Variants in SCUBE1 observed in about 807,000 individuals in gnomAD.
SCUBE1 encodes the protein signal peptide, CUB and EGF-like domain-containing protein 1.
Under a neutral mutation model 124.4 loss-of-function variants are expected in SCUBE1, and 59 were observed. The ratio of observed to expected loss-of-function variants is 0.47; its 90% CI spans 0.38 to 0.59. The LOEUF (loss-of-function observed/expected upper bound fraction) is 0.59, where lower values mean the gene tolerates loss of function less well. Among genes scored for constraint, SCUBE1 ranks in the 20% least tolerant of loss-of-function variants. SCUBE1 has a pLI of 0.00. For synonymous variants in SCUBE1, 545 were observed against 550.9 expected (o/e 0.99, Z 0.15); for missense variants, 1,150 against 1,371.2 (o/e 0.84, Z 2.55).
At chr22:43,205,267 G>A (rs984543555) in intron 21 of SCUBE1, among the ~76,000 whole-genome samples, 4 of 152,206 alleles carry the variant, frequency 2.6e-5, no homozygotes, top group African/African-American at 4.8e-5. Context: ...GGCAGCAAAC[G>A]GGGCTGTCCT....
intron 21 of SCUBE1, among the ~76,000 whole-genome samples, chr22:43,204,684 C>T (rs1486424565): frequency 1.3e-5 from 2 of 152,018 alleles, no homozygotes; most frequent in African/African-American, 4.8e-5. Context: ...GTGGCTCACA[C>T]CTGTAATCCC....
intron 13 of SCUBE1, 137 bp from the exon 14 acceptor site, chr22:43,220,724 G>T: frequency 8.8e-7 from 1 of 1,140,792 alleles, no homozygotes; most frequent in Non-Finnish European, 1.2e-6. Context: ...GCTAGAGAAG[G>T]TCAGGGCTGG....
rs1032930925 is a variant in SCUBE1 at position 43,305,688 on chromosome 22, C to A, written c.349+14249G>T. Among the ~76,000 whole-genome samples the A allele has an allele frequency of 3.3e-5, 5 of 152,164 alleles. No individual in the cohort carries two copies. In the East Asian group the frequency reaches 9.6e-4, roughly 29 times the overall value. On this transcript the variant is annotated intron_variant, in intron 3 of 21. Coordinates refer to ENST00000360835, the MANE Select transcript of SCUBE1 (RefSeq NM_173050.5). The stretch of plus-strand genomic sequence containing the variant: ...TGGCAACACAGGCCCTGGGGAGGGT[C>A]CCACTCGGCAGGGCCTCCACCACGG...
chr22:43,302,944 G>C (rs897477981), intron 3 of SCUBE1, among the ~76,000 whole-genome samples: 12 of 152,208 alleles, frequency 7.9e-5, no homozygotes, highest in African/African-American at 2.9e-4. Context: ...GGGCGGCAGG[G>C]CAAGTCCCAC....
chr22:43,253,993 C>G (rs527657108), intron 6 of SCUBE1, among the ~76,000 whole-genome samples: 1 of 152,358 alleles, frequency 6.6e-6, no homozygotes, highest in East Asian at 1.9e-4. Flanking sequence ...GTCCATAGCA[C>G]TGACTCATGC....
chr22:43,305,336 G>A (rs1408535995), intron 3 of SCUBE1, among the ~76,000 whole-genome samples: 1 of 152,192 alleles, frequency 6.6e-6, no homozygotes, highest in East Asian at 1.9e-4. Flanking sequence ...TGCACGTGTG[G>A]CTGATGGATA....
At chr22:43,232,035 G>A in intron 7 of SCUBE1, 160 bp from the exon 8 acceptor site, 1 of 747,276 alleles carries the variant, frequency 1.3e-6, no homozygotes, top group Non-Finnish European at 2.2e-6. Flanking sequence ...GCAGAGGGGT[G>A]GGGGCCCTGT....
At chr22:43,267,875 C>A (rs1236623240) in intron 4 of SCUBE1, among the ~76,000 whole-genome samples, 1 of 152,208 alleles carries the variant, frequency 6.6e-6, no homozygotes, top group Non-Finnish European at 1.5e-5. Context: ...TGGGTGGCAG[C>A]TGGGGCCATG....
intron 6 of SCUBE1, among the ~76,000 whole-genome samples, chr22:43,251,172 G>T (rs1212218510): frequency 1.3e-5 from 2 of 152,230 alleles, no homozygotes; most frequent in Admixed American, 6.5e-5. Context: ...CACCCCCAAG[G>T]CTGCCTGAGG....
In SCUBE1 at chr22:43,198,909, G is replaced by A. The variant is rs1403222973; in HGVS notation, c.*5088C>T. The A allele has an allele frequency of 8.0e-6, 3 of 375,356 alleles. No individual in the cohort carries two copies. The highest frequency in any genetic ancestry group is 1.6e-5 in the Non-Finnish European group (3 of 190,220). 23.3% of individuals were successfully genotyped at this position (375,356 alleles called of 1,614,324 possible). A position where few individuals can be genotyped will look rare whatever the true frequency, so the allele number is the denominator to read the frequency against. ...TGCTGTCTGCTTTCCGGGGCAGTTT[G>A]TCTGTCTGCTGTCTGGGGCAGTTTG... On this transcript the variant is annotated 3_prime_UTR_variant, in exon 22 of 22. Transcript: ENST00000360835.
rs1461536454 is a variant in SCUBE1, at chr22:43,203,608, C to A, written c.*389G>T. 5.8e-6 allele frequency: 1 copy of A among 173,598 alleles called. No homozygotes were observed. The highest frequency in any genetic ancestry group is 2.4e-5 in the African/African-American group (1 of 41,774). 10.8% of individuals were successfully genotyped at this position (173,598 alleles called of 1,614,324 possible). A position where few individuals can be genotyped will look rare whatever the true frequency, so the allele number is the denominator to read the frequency against. On this transcript the variant is annotated 3_prime_UTR_variant, in exon 22 of 22. Coordinates refer to ENST00000360835, the MANE Select transcript of SCUBE1 (RefSeq NM_173050.5). ...CCCCCAGACGGCGCCTTTGTCCCCT[C>A]CTCTCTCCCCTGGACTCCTGTCTCG...
At chr22:43,325,961 A>G (rs1926714579) in intron 2 of SCUBE1, among the ~76,000 whole-genome samples, 1 of 151,854 alleles carries the variant, frequency 6.6e-6, no homozygotes, top group African/African-American at 2.4e-5. Context: ...ATTTAATTCA[A>G]AATTGATTCT....
chr22:43,310,728 T>C (rs1037329486), intron 3 of SCUBE1, among the ~76,000 whole-genome samples: 3 of 152,262 alleles, frequency 2.0e-5, no homozygotes, highest in African/African-American at 4.8e-5. Flanking sequence ...ATGTAATAAT[T>C]GTACATATTT....
chr22:43,251,951 T>C (rs1443692754), intron 6 of SCUBE1, among the ~76,000 whole-genome samples: 4 of 152,108 alleles, frequency 2.6e-5, no homozygotes, highest in Admixed American at 6.6e-5. Flanking sequence ...GGGCCTGAGG[T>C]AAGCTCCCAT....
chr22:43,315,718 G>A lies in SCUBE1; in HGVS notation c.349+4219C>T, dbSNP rs554023522. ...TGCTGTGTGTGCAAGTTAGAGCCGC[G>A]TGAGGTTGCAATCTGTGCTCAGAGG... On this transcript the variant is annotated intron_variant, in intron 3 of 21. Coordinates refer to ENST00000360835, the MANE Select transcript of SCUBE1 (RefSeq NM_173050.5). Among the ~76,000 whole-genome samples the A allele has an allele frequency of 1.1e-4, 16 of 145,604 alleles. No individual in the cohort carries two copies. The East Asian group carries it at 2.8e-3, about 25-fold the overall frequency.
At position 43,303,000 on chromosome 22, in the gene SCUBE1, C is replaced by A. The variant is rs5759271; in HGVS notation, c.350-11820G>T. ...AAACTTCCCCGAACCAAGGAGGGGC[C>A]CCGGAGCTCCCACGACACCCCAGGT... On this transcript the variant is annotated intron_variant, in intron 3 of 21. Coordinates refer to ENST00000360835, the MANE Select transcript of SCUBE1 (RefSeq NM_173050.5). Among the ~76,000 whole-genome samples the A allele has an allele frequency of 3.5e-3, 526 of 152,152 alleles. 5 individuals carry two copies. Among genetic ancestry groups the A allele is most frequent in the Middle Eastern group, 0.014 (4 of 294 alleles).
intron 6 of SCUBE1, among the ~76,000 whole-genome samples, chr22:43,253,784 T>A (rs1025050466): frequency 8.5e-5 from 13 of 152,292 alleles, no homozygotes; most frequent in Middle Eastern, 6.8e-3. Flanking sequence ...CCCATCCTCT[T>A]CCTGGGAAGG....
At chr22:43,296,551 G>A (rs1925566434) in intron 3 of SCUBE1, among the ~76,000 whole-genome samples, 1 of 152,256 alleles carries the variant, frequency 6.6e-6, no homozygotes, top group Admixed American at 6.5e-5. Context: ...CAGACTCTAG[G>A]AGGCTCCTTT....
chr22:43,283,615 C>A (rs188526653), intron 4 of SCUBE1: 1 of 152,152 alleles, frequency 6.6e-6, no homozygotes, highest in African/African-American at 2.4e-5. Context: ...CTATTGACTG[C>A]GGTGGTTGTG....
Sources: allele counts gnomAD v4.1 joint callset (sites outside exome capture counted in the v4.1 genomes callset), GRCh38; gene constraint gnomAD v4.1.1; transcripts MANE v1.5; gene names NCBI Gene and HGNC (gene_info 2026-07-23, HGNC 2026-07-21).